Variants in MAP7 observed in about 807,000 individuals in gnomAD.
MAP7 encodes the protein microtubule associated protein 7.
A neutral mutation model predicts 94.8 loss-of-function variants in MAP7; 52 were observed. The ratio of observed to expected loss-of-function variants is 0.55; its 90% CI spans 0.44 to 0.69. The LOEUF (loss-of-function observed/expected upper bound fraction) is 0.69, where lower values mean the gene tolerates loss of function less well. Ranked by LOEUF, MAP7 falls within the 30% of genes least tolerant of loss-of-function variation. MAP7 has a pLI of 0.00. For synonymous variants in MAP7, 350 were observed against 357.0 expected (o/e 0.98, Z 0.22); for missense variants, 940 against 964.6 (o/e 0.97, Z 0.34).
intron 1 of MAP7, among the ~76,000 whole-genome samples, chr6:136,475,059 T>C (rs761551091): frequency 6.6e-5 from 10 of 152,176 alleles, no homozygotes; most frequent in Non-Finnish European, 1.3e-4. Context: ...ATAAAAGCTC[T>C]TCATAGATGT....
At chr6:136,373,845 A>C (rs1022324746) in intron 7 of MAP7, among the ~76,000 whole-genome samples, 3 of 152,228 alleles carry the variant, frequency 2.0e-5, no homozygotes, top group Admixed American at 2.0e-4. Context: ...AGGATTATAG[A>C]GTTGAAAAAA....
chr6:136,360,689 G>T lies in MAP7; in HGVS notation c.1803+8C>A. 6.2e-7 allele frequency: 1 copy of T among 1,613,716 alleles called. No homozygotes were observed. The highest frequency in any genetic ancestry group is 1.1e-5 in the South Asian group (1 of 91,074). ...GCGTCCCGGGCCTCTCTACTAAGAC[G>T]CAGCTACCTTCTTTCTCTCCAGGCG... On this transcript the variant is annotated splice_region_variant and intron_variant, in intron 13 of 17. Coordinates refer to ENST00000354570, the MANE Select transcript of MAP7 (RefSeq NM_003980.6).
intron 1 of MAP7, among the ~76,000 whole-genome samples, chr6:136,449,112 C>T (rs1800287645): frequency 1.3e-5 from 2 of 151,470 alleles, no homozygotes; most frequent in Non-Finnish European, 2.9e-5. Context: ...ATCGAGACCA[C>T]GGTGAAACCC....
chr6:136,490,783 C>T (rs940951904), intron 1 of MAP7, among the ~76,000 whole-genome samples: 2 of 152,164 alleles, frequency 1.3e-5, no homozygotes, highest in African/African-American at 4.8e-5. Flanking sequence ...GAGCCAAGCT[C>T]GGCACTAAGG....
chr6:136,431,632 C>T (rs1406597848), intron 1 of MAP7, among the ~76,000 whole-genome samples: 2 of 152,090 alleles, frequency 1.3e-5, no homozygotes, highest in Non-Finnish European at 2.9e-5. Context: ...ATTCTCCCGC[C>T]TTAGCCTCCC....
chr6:136,369,347 G>A (rs566286680), intron 8 of MAP7, among the ~76,000 whole-genome samples: 3 of 152,334 alleles, frequency 2.0e-5, no homozygotes, highest in East Asian at 1.9e-4. Context: ...GCCGAGATGG[G>A]TGGATCGCTT....
chr6:136,444,009 A>G (rs1015211004), intron 1 of MAP7, among the ~76,000 whole-genome samples: 2 of 152,224 alleles, frequency 1.3e-5, no homozygotes, highest in African/African-American at 4.8e-5. Flanking sequence ...GCACCTTACG[A>G]TGGTTTGACT....
chr6:136,419,364 C>A (rs112385629), intron 2 of MAP7, among the ~76,000 whole-genome samples: 2,211 of 152,260 alleles, frequency 0.015, 71 homozygotes, highest in African/African-American at 0.05. Context: ...ACAGCACCAA[C>A]AACTAAGCTA....
At chr6:136,483,888 G>T (rs1813754607) in intron 1 of MAP7, among the ~76,000 whole-genome samples, 1 of 152,150 alleles carries the variant, frequency 6.6e-6, no homozygotes, top group Non-Finnish European at 1.5e-5. Context: ...AAATCAGATT[G>T]ATTTGATCAG....
chr6:136,516,843 G>T (rs952739274), intron 1 of MAP7, among the ~76,000 whole-genome samples: 1 of 152,046 alleles, frequency 6.6e-6, no homozygotes, highest in East Asian at 1.9e-4. Flanking sequence ...GGCATCCCCA[G>T]TGTAAGCATC....
chr6:136,505,269 GTGTGTGTGTATATATATA>G (rs1369419427), intron 1 of MAP7, among the ~76,000 whole-genome samples: 6 of 99,470 alleles, frequency 6.0e-5, no homozygotes, highest in Middle Eastern at 5.1e-3. Context: ...GTGTGTGTGT[GTGTGTGTGTATATATATA>G]TATATATATA....
chr6:136,406,981 A>G (rs559124058), intron 3 of MAP7, among the ~76,000 whole-genome samples: 2 of 152,332 alleles, frequency 1.3e-5, no homozygotes, highest in African/African-American at 4.8e-5. Flanking sequence ...GTGACATTCT[A>G]TTAAAAAACT....
At position 136,434,275 on chromosome 6, in the gene MAP7, C is replaced by A. The variant is rs1193798127; in HGVS notation, c.68-12476G>T. Among the ~76,000 whole-genome samples the A allele has an allele frequency of 2.0e-5, 3 of 149,272 alleles. No homozygotes were observed. The East Asian group carries it at 5.9e-4, about 29-fold the overall frequency. On this transcript the variant is annotated intron_variant, in intron 1 of 17. Coordinates refer to ENST00000354570, the MANE Select transcript of MAP7 (RefSeq NM_003980.6). ...TGAGACAAGATCGCACCACTGCACT[C>A]CAGCCTGGGCAACAGAGCAAGACTC...
chr6:136,427,015 A>G (rs1394344938), intron 1 of MAP7, among the ~76,000 whole-genome samples: 1 of 152,266 alleles, frequency 6.6e-6, no homozygotes, highest in Non-Finnish European at 1.5e-5. Context: ...TATAGAATTT[A>G]GTAACTAGTC....
At chr6:136,385,643 GC>G (rs1313563956) in intron 5 of MAP7, among the ~76,000 whole-genome samples, 1 of 152,246 alleles carries the variant, frequency 6.6e-6, no homozygotes, top group East Asian at 1.9e-4. Flanking sequence ...ATCTAAATCT[GC>G]CATAAATTGT....
intron 1 of MAP7, among the ~76,000 whole-genome samples, chr6:136,521,289 T>C (rs9483928): frequency 0.12 from 17,549 of 152,152 alleles, 2,519 homozygotes; most frequent in African/African-American, 0.34. Flanking sequence ...CTCTGTTTCA[T>C]GAGAAGTTTA....
intron 6 of MAP7, among the ~76,000 whole-genome samples, chr6:136,378,961 C>G (rs1298192067): frequency 6.6e-6 from 1 of 152,126 alleles, no homozygotes; most frequent in Non-Finnish European, 1.5e-5. Flanking sequence ...CTCCTGGGCT[C>G]AAGCAATCCT....
At chr6:136,468,899 G>T (rs913140458) in intron 1 of MAP7, among the ~76,000 whole-genome samples, 1 of 152,094 alleles carries the variant, frequency 6.6e-6, no homozygotes, top group Non-Finnish European at 1.5e-5. Context: ...GAAATGACTG[G>T]TACCACAAGG....
At chr6:136,473,222 A>C (rs918604960) in intron 1 of MAP7, among the ~76,000 whole-genome samples, 1 of 152,172 alleles carries the variant, frequency 6.6e-6, no homozygotes, top group African/African-American at 2.4e-5. Context: ...GAAACCAAAA[A>C]CACATTGATT....
Sources: gnomAD v4.1 joint callset for allele counts (sites outside exome capture counted in the v4.1 genomes callset) on GRCh38, gnomAD v4.1.1 for gene constraint, MANE v1.5 for transcripts, NCBI Gene and HGNC (gene_info 2026-07-23, HGNC 2026-07-21) for gene names.